Variants in ABCA10 observed in about 807,000 individuals in gnomAD.
The protein encoded by ABCA10 is ATP binding cassette subfamily A member 10, also known as ATP-binding cassette sub-family A member 10.
A neutral mutation model predicts 187.5 loss-of-function variants in ABCA10; 169 were observed. The ratio of observed to expected loss-of-function variants is 0.90; its 90% CI spans 0.80 to 1.02. The LOEUF (loss-of-function observed/expected upper bound fraction) is 1.02, where lower values mean the gene tolerates loss of function less well. ABCA10 is among the 50% of genes least tolerant of loss of function. ABCA10 has a pLI of 0.00. For missense variants in ABCA10, 1,727 were observed against 1,812.4 expected (o/e 0.95, Z 0.86); for synonymous variants, 574 against 601.8 (o/e 0.95, Z 0.68).
chr17:69,180,053 T>C (rs2074367371), intron 22 of ABCA10, among the ~76,000 whole-genome samples: 1 of 152,240 alleles, frequency 6.6e-6, no homozygotes, highest in Non-Finnish European at 1.5e-5. Flanking sequence ...ATGATAATAA[T>C]GGCTCATGGT....
intron 10 of ABCA10, among the ~76,000 whole-genome samples, chr17:69,197,334 T>C (rs1476623360): frequency 2.0e-5 from 3 of 151,934 alleles, no homozygotes; most frequent in Non-Finnish European, 4.4e-5. Flanking sequence ...ATTTCATATA[T>C]TCCAGCTATT....
At chr17:69,153,772 G>A in intron 32 of ABCA10, 59 bp downstream of exon 32, 1 of 1,538,210 alleles carries the variant, frequency 6.5e-7, no homozygotes, top group South Asian at 1.3e-5. Flanking sequence ...AATATATAAT[G>A]AAGAAATGAC....
chr17:69,155,858 G>C lies in ABCA10; in HGVS notation c.3523C>G (p.Gln1175Glu). The C allele has an allele frequency of 6.2e-7, 1 of 1,613,768 alleles. No homozygotes were observed. The highest frequency in any genetic ancestry group is 1.1e-5 in the South Asian group (1 of 91,060). Residue 1175 changes from glutamine to glutamate, a missense_variant, in exon 29 of 39, where the codon CAA becomes GAA. Transcript: ENST00000690296. ...EEPEEEDEDV[Q>E]AERVQAANAL... ...TTTGCTGCTTGGACTCTTTCAGCTT[G>C]AACATCTTCATCTTCTTCTTCGGGC...
At chr17:69,196,767 T>C (rs929235033) in intron 11 of ABCA10, among the ~76,000 whole-genome samples, 2 of 152,104 alleles carry the variant, frequency 1.3e-5, no homozygotes, top group African/African-American at 4.8e-5. Flanking sequence ...TCCCAGCACC[T>C]CGCGAGGCTG....
chr17:69,190,738 T>C (rs1265789291), intron 17 of ABCA10, among the ~76,000 whole-genome samples: 1 of 151,978 alleles, frequency 6.6e-6, no homozygotes, highest in Non-Finnish European at 1.5e-5. Context: ...AGCATGTATC[T>C]GTATGTCTAT....
intron 19 of ABCA10, 86 bp downstream of exon 19, chr17:69,187,595 T>C: frequency 7.4e-7 from 1 of 1,359,036 alleles, no homozygotes; most frequent in South Asian, 1.5e-5. Flanking sequence ...GTTAAATGAA[T>C]GAATAAATTA....
At chr17:69,217,241 C>G (rs565144846) in intron 6 of ABCA10, among the ~76,000 whole-genome samples, 1 of 149,914 alleles carries the variant, frequency 6.7e-6, no homozygotes, top group South Asian at 2.1e-4. Context: ...GAGCGAAACT[C>G]CATCTCAAAA....
At chr17:69,171,352 T>C (rs1292037784) in intron 25 of ABCA10, among the ~76,000 whole-genome samples, 1 of 152,128 alleles carries the variant, frequency 6.6e-6, no homozygotes, top group Non-Finnish European at 1.5e-5. Context: ...AAATTGAAAT[T>C]TTAAGTAGTC....
chr17:69,211,337 A>G lies in ABCA10; in HGVS notation c.1006+3367T>C, dbSNP rs1390898354. On this transcript the variant is annotated intron_variant, in intron 9 of 38. Transcript: ENST00000690296. ...ATGATATATATATATATATATATAT[A>G]TATATATATATATATATATATATAC... 1.2e-3 allele frequency among the ~76,000 whole-genome samples: 149 copies of G among 124,680 alleles called. 5 individuals are homozygous for G. The highest frequency in any genetic ancestry group is 3.2e-3 in the South Asian group (12 of 3,806). The allele number at this position is 124,680 out of a possible 152,430, so 81.8% of individuals were successfully genotyped here.
chr17:69,208,233 C>T (rs1304727036), intron 9 of ABCA10, among the ~76,000 whole-genome samples: 1 of 151,590 alleles, frequency 6.6e-6, no homozygotes, highest in African/African-American at 2.4e-5. Context: ...CTGGCTAACA[C>T]GGTGAAAGCC....
chr17:69,164,399 A>G (rs1311018856), intron 26 of ABCA10, among the ~76,000 whole-genome samples: 3 of 152,138 alleles, frequency 2.0e-5, no homozygotes, highest in Non-Finnish European at 4.4e-5. Context: ...GTTTCTCTTT[A>G]GTGGGAGTGA....
intron 8 of ABCA10, 67 bp downstream of exon 8, chr17:69,215,748 C>T: frequency 7.6e-7 from 1 of 1,312,268 alleles, no homozygotes; most frequent in Non-Finnish European, 9.9e-7. Flanking sequence ...CATGAGGCAC[C>T]AAATTCTTGA....
intron 4 of ABCA10, 35 bp from the exon 5 acceptor site, chr17:69,221,930 A>T: frequency 6.8e-7 from 1 of 1,478,730 alleles, no homozygotes; most frequent in Non-Finnish European, 9.2e-7. Flanking sequence ...CCATAGTTAT[A>T]TAATGGAGTC....
intron 9 of ABCA10, among the ~76,000 whole-genome samples, chr17:69,210,847 C>CATATATATATAT (rs57227408): frequency 7.7e-4 from 29 of 37,888 alleles, no homozygotes; most frequent in Non-Finnish European, 1.6e-3. Flanking sequence ...ATTTATGCCA[C>CATATATATATAT]ATATATATAT....
intron 27 of ABCA10, among the ~76,000 whole-genome samples, chr17:69,157,346 G>C (rs910806092): frequency 6.6e-6 from 1 of 152,156 alleles, no homozygotes; most frequent in Non-Finnish European, 1.5e-5. Flanking sequence ...TGTTGAAGCA[G>C]AGAGTCTTCC....
intron 22 of ABCA10, among the ~76,000 whole-genome samples, chr17:69,177,421 T>C (rs1262735454): frequency 1.3e-5 from 2 of 152,120 alleles, no homozygotes; most frequent in Admixed American, 6.5e-5. Flanking sequence ...TTGACTGGCA[T>C]TTGAATATTA....
intron 10 of ABCA10, among the ~76,000 whole-genome samples, chr17:69,201,168 A>G (rs1206417092): frequency 6.6e-6 from 1 of 152,206 alleles, no homozygotes; most frequent in African/African-American, 2.4e-5. Flanking sequence ...AAAAACGTGT[A>G]TAATATATAC....
chr17:69,234,751 T>G (rs2074855071), intron 1 of ABCA10: 1 of 152,224 alleles, frequency 6.6e-6, no homozygotes, highest in South Asian at 2.1e-4. Context: ...TCAATGAATT[T>G]TTTGCTCTAC....
At chr17:69,184,679 T>C (rs1598102254) in intron 20 of ABCA10, among the ~76,000 whole-genome samples, 1 of 152,194 alleles carries the variant, frequency 6.6e-6, no homozygotes, top group East Asian at 1.9e-4. Context: ...AGTCTACCGA[T>C]TGATCCAGCA....
Sources: gnomAD v4.1 joint callset for allele counts (sites outside exome capture counted in the v4.1 genomes callset) on GRCh38, gnomAD v4.1.1 for gene constraint, MANE v1.5 for transcripts, NCBI Gene and HGNC (gene_info 2026-07-23, HGNC 2026-07-21) for gene names.